Variants in ARHGAP42 observed in about 807,000 individuals in gnomAD.
ARHGAP42 encodes the protein rho GTPase-activating protein 42.
Under a neutral mutation model 125.0 loss-of-function variants are expected in ARHGAP42, and 63 were observed. That is an observed-to-expected ratio of 0.50 (90% CI 0.41 to 0.62). ARHGAP42 has a LOEUF of 0.62. Among genes scored for constraint, ARHGAP42 ranks in the 20% least tolerant of loss-of-function variants. The pLI, the probability that ARHGAP42 is intolerant of heterozygous loss-of-function variation, is 0.00. For missense variants in ARHGAP42, 766 were observed against 1,024.2 expected (o/e 0.75, Z 3.44); for synonymous variants, 339 against 351.0 (o/e 0.97, Z 0.38).
chr11:100,907,969 T>A (rs1035903148), intron 4 of ARHGAP42, among the ~76,000 whole-genome samples: 1 of 152,208 alleles, frequency 6.6e-6, no homozygotes, highest in Non-Finnish European at 1.5e-5. Flanking sequence ...GCTAACATGA[T>A]AACAAAAATA....
At chr11:100,814,586 C>G (rs967324202) in intron 3 of ARHGAP42, among the ~76,000 whole-genome samples, 1 of 152,142 alleles carries the variant, frequency 6.6e-6, no homozygotes, top group African/African-American at 2.4e-5. Context: ...ATAGCAACTT[C>G]TGCTTCTGGG....
chr11:100,744,818 C>T (rs1862263846), intron 1 of ARHGAP42, among the ~76,000 whole-genome samples: 1 of 152,064 alleles, frequency 6.6e-6, no homozygotes, highest in African/African-American at 2.4e-5. Context: ...AGAAATAGCA[C>T]TTGAATATAA....
chr11:100,704,997 C>CCAACAACAA lies in ARHGAP42; in HGVS notation c.154+17175_154+17183dup, dbSNP rs202095677. Among the ~76,000 whole-genome samples the CCAACAACAA allele has an allele frequency of 5.5e-4, 62 of 111,788 alleles. 4 individuals are homozygous for CCAACAACAA. Among genetic ancestry groups the CCAACAACAA allele is most frequent in the East Asian group, 1.6e-3 (6 of 3,776 alleles). The allele number at this position is 111,788 out of a possible 152,430, so 73.3% of individuals were successfully genotyped here. A position where few individuals can be genotyped will look rare whatever the true frequency, so the allele number is the denominator to read the frequency against. ...TGAGTGAGCCTGGGTGAGCCAAACC[C>CCAACAACAA]CAACAACAACAACAACAAAAAAAAA... On this transcript the variant is annotated intron_variant, in intron 1 of 23. Transcript: ENST00000298815.
chr11:100,701,531 G>A (rs74935905), intron 1 of ARHGAP42, among the ~76,000 whole-genome samples: 2,982 of 152,292 alleles, frequency 0.02, 42 homozygotes, highest in Middle Eastern at 0.037. Context: ...TTGCTGCAGC[G>A]TCTACATTAG....
rs1372218351 is a variant in ARHGAP42, at chr11:100,936,302, A to G, written c.802A>G (p.Met268Val). ...QDYRPPSQWT[M>V]EGYLYVQEKR... ...CTACAGACCACCCAGCCAGTGGACG[A>G]TGGAAGGCTATCTGTATGTCCAGGA... The change falls in exon 8 of 24, where the codon ATG becomes GTG. Residue 268 changes from methionine to valine, a missense_variant. Coordinates refer to ENST00000298815, the MANE Select transcript of ARHGAP42 (RefSeq NM_152432.4). 8.4e-6 allele frequency: 13 copies of G among 1,551,518 alleles called. No homozygotes were observed. The East Asian group carries it at 2.4e-4, about 29-fold the overall frequency.
At chr11:100,835,705 CT>C (rs1230721086) in intron 3 of ARHGAP42, among the ~76,000 whole-genome samples, 3 of 151,972 alleles carry the variant, frequency 2.0e-5, no homozygotes, top group Non-Finnish European at 2.9e-5. Context: ...TTGCCATACA[CT>C]TTTTTTCATC....
intron 3 of ARHGAP42, 71 bp downstream of exon 3, chr11:100,795,237 T>C: frequency 8.4e-7 from 1 of 1,184,226 alleles, no homozygotes; most frequent in Non-Finnish European, 1.2e-6. Flanking sequence ...ATGGACTTCC[T>C]GAACTAGAGA....
In ARHGAP42 at chr11:100,993,659, T is replaced by A. The variant is rs1008278059; in HGVS notation, c.*4858T>A. 1 of 167,074 alleles carries A rather than the reference T, an allele frequency of 6.0e-6. No homozygotes were observed. Among genetic ancestry groups the A allele is most frequent in the Admixed American group, 6.5e-5 (1 of 15,278 alleles). 10.3% of individuals were successfully genotyped at this position (167,074 alleles called of 1,614,324 possible). Reference sequence around the variant, plus strand: ...CTGTAGTTTATATAAAAGTCGGATGTTAAGATATTATATTTCAGTACTAGG... The same window carrying A: ...CTGTAGTTTATATAAAAGTCGGATGATAAGATATTATATTTCAGTACTAGG... On this transcript the variant is annotated 3_prime_UTR_variant, in exon 24 of 24. Coordinates refer to ENST00000298815, the MANE Select transcript of ARHGAP42 (RefSeq NM_152432.4).
At chr11:100,921,052 G>GCCCCT (rs1265642083) in intron 5 of ARHGAP42, among the ~76,000 whole-genome samples, 1 of 150,864 alleles carries the variant, frequency 6.6e-6, no homozygotes, top group Non-Finnish European at 1.5e-5. Context: ...CAGGAAAACG[G>GCCCCT]CCCCTGCTTT....
chr11:100,915,625 C>T (rs569181919), intron 5 of ARHGAP42, among the ~76,000 whole-genome samples: 7 of 152,260 alleles, frequency 4.6e-5, no homozygotes, highest in Admixed American at 2.0e-4. Flanking sequence ...TTACTTGCCT[C>T]GCTAGTAGCT....
At chr11:100,744,559 T>TGC (rs1565551695) in intron 1 of ARHGAP42, among the ~76,000 whole-genome samples, 2 of 151,282 alleles carry the variant, frequency 1.3e-5, no homozygotes, top group Non-Finnish European at 2.9e-5. Context: ...TGTGTGTGTG[T>TGC]GTGTGCGTGC....
At chr11:100,705,955 C>G (rs1046024711) in intron 1 of ARHGAP42, among the ~76,000 whole-genome samples, 1 of 147,722 alleles carries the variant, frequency 6.8e-6, no homozygotes, top group Non-Finnish European at 1.5e-5. Flanking sequence ...TGCACCTGTA[C>G]TTCTGTGGAA....
At chr11:100,735,445 AG>A (rs972249169) in intron 1 of ARHGAP42, among the ~76,000 whole-genome samples, 54 of 152,220 alleles carry the variant, frequency 3.5e-4, no homozygotes, top group African/African-American at 1.3e-3. Context: ...CTAGTTTTAC[AG>A]GGGCTTTAAA....
intron 6 of ARHGAP42, among the ~76,000 whole-genome samples, chr11:100,930,705 A>G (rs142171817): frequency 1.3e-5 from 2 of 152,332 alleles, no homozygotes; most frequent in Non-Finnish European, 2.9e-5. Flanking sequence ...ATGATTAAGA[A>G]TTTAAAAGCA....
At chr11:100,925,668 G>A (rs1399897554) in intron 6 of ARHGAP42, among the ~76,000 whole-genome samples, 1 of 152,190 alleles carries the variant, frequency 6.6e-6, no homozygotes, top group African/African-American at 2.4e-5. Context: ...AACCCTGGAG[G>A]CAGAGGTTGC....
intron 3 of ARHGAP42, among the ~76,000 whole-genome samples, chr11:100,834,237 T>G (rs1864728850): frequency 6.6e-6 from 1 of 152,192 alleles, no homozygotes; most frequent in Non-Finnish European, 1.5e-5. Context: ...AGTGGATTTG[T>G]GTTTGAACCC....
chr11:100,942,232 A>C (rs1867905695), intron 9 of ARHGAP42, among the ~76,000 whole-genome samples: 1 of 152,100 alleles, frequency 6.6e-6, no homozygotes, highest in African/African-American at 2.4e-5. Flanking sequence ...GAACAGGCTC[A>C]AGGATTCTGT....
rs541201616 is a variant in ARHGAP42, at chr11:100,716,743, A to AT, written c.154+28918dup. On this transcript the variant is annotated intron_variant, in intron 1 of 23. Transcript: ENST00000298815. ...TGCAAAAAAGAAATTAATTAAAAAT[A>AT]TTTTTTTGTAGGATAAGTCTTGTGA... 2.9e-3 allele frequency among the ~76,000 whole-genome samples: 449 copies of AT among 152,234 alleles called. 4 individuals carry two copies. The highest frequency in any genetic ancestry group is 7.7e-4 in the East Asian group (4 of 5,184).
At chr11:100,702,452 G>A (rs190212632) in intron 1 of ARHGAP42, among the ~76,000 whole-genome samples, 2 of 151,878 alleles carry the variant, frequency 1.3e-5, no homozygotes, top group Admixed American at 6.6e-5. Context: ...TGAAGAAATT[G>A]TAATATTGTG....
Sources: allele counts gnomAD v4.1 joint callset (sites outside exome capture counted in the v4.1 genomes callset), GRCh38; gene constraint gnomAD v4.1.1; transcripts MANE v1.5; gene names NCBI Gene and HGNC (gene_info 2026-07-23, HGNC 2026-07-21).